EFCAB13: variants seen among roughly 807,000 people sequenced by gnomAD.
EFCAB13 encodes the protein EF-hand calcium binding domain 13.
Under a neutral mutation model 110.2 loss-of-function variants are expected in EFCAB13, and 91 were observed. That is an observed-to-expected ratio of 0.83 (90% CI 0.70 to 0.98). EFCAB13 has a LOEUF of 0.98. Among genes scored for constraint, EFCAB13 ranks in the 50% least tolerant of loss-of-function variants. EFCAB13 has a pLI of 0.00. For missense variants in EFCAB13, 968 were observed against 1,119.4 expected, an observed-to-expected ratio of 0.86 and a Z score of 1.93; for synonymous variants, 323 against 369.9, an observed-to-expected ratio of 0.87 and a Z score of 1.45.
intron 24 of EFCAB13, among the ~76,000 whole-genome samples, chr17:47,437,791 C>G (rs1041151294): frequency 6.6e-6 from 1 of 152,064 alleles, no homozygotes; most frequent in African/African-American, 2.4e-5. Flanking sequence ...GGTATGGTTA[C>G]ATTCATCATA....
At chr17:47,426,959 T>G (rs1477616142) in intron 23 of EFCAB13, among the ~76,000 whole-genome samples, 2 of 152,138 alleles carry the variant, frequency 1.3e-5, no homozygotes, top group Non-Finnish European at 2.9e-5. Flanking sequence ...ATAAATAACC[T>G]TATTATATAA....
At chr17:47,359,189 C>T (rs923690063) in intron 9 of EFCAB13, among the ~76,000 whole-genome samples, 7 of 151,990 alleles carry the variant, frequency 4.6e-5, no homozygotes, top group South Asian at 2.1e-4. Context: ...AAGAAATTAG[C>T]GGGGCATAGT....
intron 24 of EFCAB13, among the ~76,000 whole-genome samples, chr17:47,434,367 A>C (rs1402251504): frequency 6.6e-6 from 1 of 152,170 alleles, no homozygotes; most frequent in African/African-American, 2.4e-5. Flanking sequence ...GAGGTGAAAG[A>C]TCTCCACAAG....
At chr17:47,351,280 T>TGTGTGTGA (rs1491399077) in intron 9 of EFCAB13, among the ~76,000 whole-genome samples, 1 of 9,492 alleles carries the variant, frequency 1.1e-4, no homozygotes, top group Non-Finnish European at 2.7e-4. Context: ...AGTATTCCAC[T>TGTGTGTGA]GTGTGTGTGT....
At chr17:47,408,377 G>A (rs1235651154) in intron 20 of EFCAB13, among the ~76,000 whole-genome samples, 1 of 152,166 alleles carries the variant, frequency 6.6e-6, no homozygotes, top group Non-Finnish European at 1.5e-5. Flanking sequence ...CAGGCTGGGG[G>A]AAGTGGCTCA....
intron 22 of EFCAB13, among the ~76,000 whole-genome samples, chr17:47,414,024 C>T (rs1026807730): frequency 1.3e-5 from 2 of 152,096 alleles, no homozygotes; most frequent in Non-Finnish European, 2.9e-5. Flanking sequence ...GACCTCAGTT[C>T]CCAGTTAACT....
chr17:47,437,928 G>T (rs1905242529), intron 24 of EFCAB13, among the ~76,000 whole-genome samples: 1 of 152,108 alleles, frequency 6.6e-6, no homozygotes, highest in South Asian at 2.1e-4. Context: ...TCCAGGATTT[G>T]TTTCAAGATT....
chr17:47,369,914 A>G (rs1439996419), intron 10 of EFCAB13: 1 of 155,542 alleles, frequency 6.4e-6, no homozygotes, highest in Non-Finnish European at 1.4e-5. Context: ...AGAGTGCTGG[A>G]CACAGAGAAG....
chr17:47,385,527 T>C (rs1218265492), intron 14 of EFCAB13, among the ~76,000 whole-genome samples: 1 of 152,022 alleles, frequency 6.6e-6, no homozygotes, highest in East Asian at 1.9e-4. Flanking sequence ...AATTGGTTGT[T>C]CTATTAGCAG....
intron 23 of EFCAB13, among the ~76,000 whole-genome samples, chr17:47,420,534 GA>G (rs1206385947): frequency 6.6e-6 from 1 of 152,170 alleles, no homozygotes; most frequent in East Asian, 1.9e-4. Context: ...TCCCATCTAG[GA>G]AGTGAGGAGC....
In EFCAB13 at chr17:47,431,402, G is replaced by A. The variant is rs1357077447; in HGVS notation, c.2638+1441G>A. ...AATTTTAAGGATTTTTTTTTTGTTT[G>A]TAATACATACCTCACAGCAAATTTT... On this transcript the variant is annotated intron_variant, in intron 24 of 24. Coordinates refer to ENST00000331493, the MANE Select transcript of EFCAB13 (RefSeq NM_152347.5). The surrounding 1 kb of genome is among the most constrained non-coding windows in gnomAD (Gnocchi z 4.1). Among the ~76,000 whole-genome samples, 2 of 144,752 alleles carry A rather than the reference G, an allele frequency of 1.4e-5. No individual in the cohort carries two copies. Among genetic ancestry groups the A allele is most frequent in the African/African-American group, 5.1e-5 (2 of 39,000 alleles). The allele number at this position is 144,752 out of a possible 152,430, so 95.0% of individuals were successfully genotyped here.
intron 22 of EFCAB13, among the ~76,000 whole-genome samples, chr17:47,414,571 G>A (rs1283202806): frequency 6.6e-6 from 1 of 150,526 alleles, no homozygotes; most frequent in Non-Finnish European, 1.5e-5. Flanking sequence ...TTATTATGAC[G>A]ATTACATGAT....
chr17:47,412,079 G>A (rs375544570), intron 21 of EFCAB13, among the ~76,000 whole-genome samples: 1 of 152,230 alleles, frequency 6.6e-6, no homozygotes, highest in East Asian at 1.9e-4. Context: ...GGGTGACAGA[G>A]TGAGACTCCA....
At chr17:47,359,609 AT>A (rs1000193776) in intron 9 of EFCAB13, among the ~76,000 whole-genome samples, 22 of 141,110 alleles carry the variant, frequency 1.6e-4, no homozygotes, top group Admixed American at 2.2e-4. Flanking sequence ...AATCTGTTTA[AT>A]TTTTTTTTCA....
intron 16 of EFCAB13, 97 bp from the exon 17 acceptor site, chr17:47,395,737 C>T: frequency 9.6e-7 from 1 of 1,040,086 alleles, no homozygotes; most frequent in Non-Finnish European, 1.3e-6. Flanking sequence ...TCTTTTAAAC[C>T]ATAAAAACCT....
At position 47,403,855 on chromosome 17, in the gene EFCAB13, ATTAAC is replaced by A. The variant is rs1174610437; in HGVS notation, c.2018-20_2018-16del. ...GAGTGATGGCTACTGCTTTTTATTA[ATTAAC>A]TTTTTTTCTATTTATAGAGTTACAG... On this transcript the variant is annotated intron_variant, in intron 18 of 24. Coordinates refer to ENST00000331493, the MANE Select transcript of EFCAB13 (RefSeq NM_152347.5). 1 of 1,576,416 alleles carries A rather than the reference ATTAAC, an allele frequency of 6.3e-7. No homozygotes were observed. Among genetic ancestry groups the A allele is most frequent in the African/African-American group, 1.4e-5 (1 of 72,826 alleles).
intron 18 of EFCAB13, among the ~76,000 whole-genome samples, chr17:47,403,063 C>T (rs1467559599): frequency 6.6e-6 from 1 of 152,084 alleles, no homozygotes; most frequent in Non-Finnish European, 1.5e-5. Context: ...TGGGTGTCAG[C>T]AAAGCTCAGA....
At chr17:47,432,854 T>C (rs1056812813) in intron 24 of EFCAB13, among the ~76,000 whole-genome samples, 1 of 152,180 alleles carries the variant, frequency 6.6e-6, no homozygotes, top group Non-Finnish European at 1.5e-5. Context: ...AGTGTTTACA[T>C]TTACAGAAGA....
intron 8 of EFCAB13, among the ~76,000 whole-genome samples, chr17:47,346,061 A>G (rs1432663129): frequency 6.6e-6 from 1 of 151,408 alleles, no homozygotes; most frequent in Non-Finnish European, 1.5e-5. Flanking sequence ...TGGTAAAAAT[A>G]TTTAACATGA....
Sources: allele counts gnomAD v4.1 joint callset (sites outside exome capture counted in the v4.1 genomes callset), GRCh38; gene constraint gnomAD v4.1.1; non-coding constraint Gnocchi (gnomAD v3.1); transcripts MANE v1.5; gene names NCBI Gene and HGNC (gene_info 2026-07-23, HGNC 2026-07-21).